The following RASGRP4 variants were observed in gnomAD, a reference collection of about 807,000 sequenced individuals.
The protein encoded by RASGRP4 is RAS guanyl releasing protein 4.
Under a neutral mutation model 84.4 loss-of-function variants are expected in RASGRP4, and 52 were observed. The observed-to-expected ratio is 0.62, with a 90% CI of 0.49 to 0.78. The LOEUF (loss-of-function observed/expected upper bound fraction) is 0.78, where lower values mean the gene tolerates loss of function less well. Among genes scored for constraint, RASGRP4 ranks in the 30% least tolerant of loss-of-function variants. The pLI, the probability that RASGRP4 is intolerant of heterozygous loss-of-function variation, is 0.00. For missense variants in RASGRP4, 760 were observed against 886.9 expected (o/e 0.86, Z 1.82); for synonymous variants, 356 against 359.1 (o/e 0.99, Z 0.10).
chr19:38,417,466 GGT>G lies in RASGRP4; in HGVS notation c.838-300_838-299del, dbSNP rs1318767086. Among the ~76,000 whole-genome samples the G allele has an allele frequency of 6.6e-6, 1 of 152,170 alleles. No individual in the cohort carries two copies. The highest frequency in any genetic ancestry group is 2.4e-5 in the African/African-American group (1 of 41,426). ...GTTGGGCGGATTTGGGGAATAGACA[GGT>G]GTGTGTCAGGTGGAGGAGGCTTCAG... On this transcript the variant is annotated intron_variant, in intron 7 of 16. Transcript: ENST00000615439. This position sits in a 1 kb window ranked among gnomAD's most constrained non-coding sequence, Gnocchi z 5.1.
Position 38,421,218 on chromosome 19 carries a change from G to A in RASGRP4, c.209-18C>T. The A allele has an allele frequency of 1.3e-6, 2 of 1,568,902 alleles. No individual in the cohort carries two copies. Among genetic ancestry groups the A allele is most frequent in the African/African-American group, 1.3e-5 (1 of 74,204 alleles). Reference sequence around the variant, plus strand: ...AGCTGAATCTGGGGTGGAAGGAGGGGTACTCTGTGACAGAATGGCCCTCAA... The same window carrying A: ...AGCTGAATCTGGGGTGGAAGGAGGGATACTCTGTGACAGAATGGCCCTCAA... On this transcript the variant is annotated intron_variant, in intron 2 of 16. Coordinates refer to ENST00000615439, the MANE Select transcript of RASGRP4 (RefSeq NM_170604.3).
In RASGRP4 at chr19:38,409,774, G is replaced by A; in HGVS notation, c.*266C>T. On this transcript the variant is annotated 3_prime_UTR_variant, in exon 17 of 17. Transcript: ENST00000615439. ...GAAATGGAGATGTAGGGAGTTGGTA[G>A]AATGAGGCCTGAGTCTAAATGTATC... The A allele has an allele frequency of 3.3e-6, 1 of 304,910 alleles. No individual in the cohort carries two copies. Among genetic ancestry groups the A allele is most frequent in the African/African-American group, 2.2e-5 (1 of 46,056 alleles). The allele number at this position is 304,910 out of a possible 1,614,324, so 18.9% of individuals were successfully genotyped here.
At position 38,409,083 on chromosome 19, in the gene RASGRP4, C is replaced by G. The variant is rs2145182193; in HGVS notation, c.*957G>C. ...TCCAGAGAATAAATTTAATTTATGACAGCTGTAGGACCTCTCTCTGTGGGG... is the reference window on the plus strand; with the variant it reads ...TCCAGAGAATAAATTTAATTTATGAGAGCTGTAGGACCTCTCTCTGTGGGG... On this transcript the variant is annotated 3_prime_UTR_variant, in exon 17 of 17. Transcript: ENST00000615439. 8 of 507,374 alleles carry G rather than the reference C, an allele frequency of 1.6e-5. No homozygotes were observed. In the South Asian group the frequency reaches 2.8e-4, roughly 18 times the overall value. The allele number at this position is 507,374 out of a possible 1,614,324, so 31.4% of individuals were successfully genotyped here.
At chr19:38,414,430 A>G (rs1206766330) in intron 9 of RASGRP4, among the ~76,000 whole-genome samples, 1 of 149,306 alleles carries the variant, frequency 6.7e-6, no homozygotes, top group African/African-American at 2.5e-5. Context: ...GGGTTCAAGC[A>G]ATTCTCCTGC....
chr19:38,414,702 A>G, intron 9 of RASGRP4, 146 bp downstream of exon 9: 1 of 792,862 alleles, frequency 1.3e-6, no homozygotes, highest in Non-Finnish European at 1.9e-6. Context: ...AAGATCACGC[A>G]GCTAGAAAAA....
chr19:38,414,368 G>A (rs1404648799), intron 9 of RASGRP4, among the ~76,000 whole-genome samples: 5 of 123,524 alleles, frequency 4.0e-5, no homozygotes, highest in Admixed American at 3.6e-4. Context: ...GCCCAGGCTG[G>A]GGTGCAATGG....
intron 9 of RASGRP4, among the ~76,000 whole-genome samples, chr19:38,414,570 C>G (rs1347719029): frequency 3.3e-5 from 5 of 152,184 alleles, no homozygotes; most frequent in Non-Finnish European, 7.3e-5. Context: ...AGGTGATCTG[C>G]CCACCTCAGC....
At chr19:38,422,565 T>C (rs1050438249) in intron 1 of RASGRP4, among the ~76,000 whole-genome samples, 10 of 152,152 alleles carry the variant, frequency 6.6e-5, no homozygotes, top group Non-Finnish European at 1.0e-4. Context: ...ATGAACCCTA[T>C]TGTGAACTTC....
chr19:38,422,067 C>G lies in RASGRP4; in HGVS notation c.110G>C (p.Arg37Pro), dbSNP rs375650709. 6.2e-7 allele frequency: 1 copy of G among 1,613,776 alleles called. No homozygotes were observed. Among genetic ancestry groups the G allele is most frequent in the Non-Finnish European group, 8.5e-7 (1 of 1,179,828 alleles). The change falls in exon 2 of 17, where the codon CGG becomes CCG. Residue 37 changes from arginine to proline, a missense_variant. Transcript: ENST00000615439. ...GGAAGCCATGACCTTGCTGATTTCC[C>G]GAGGGCTGGGGCATGTCTTGTGGCG... ...VRRHKTCPSPREISKVMASMN... is the reference protein window; with the variant it reads ...VRRHKTCPSPPEISKVMASMN...
rs73930573 is a variant in RASGRP4, at chr19:38,420,309, G to C, written c.378-47C>G. On this transcript the variant is annotated intron_variant, in intron 4 of 16. Coordinates refer to ENST00000615439, the MANE Select transcript of RASGRP4 (RefSeq NM_170604.3). ...TGAGATGAGGCCGGGGGTGGCGAAG[G>C]TCTCTACAAGGGGTATTTTGGGCTG... 5.6e-6 allele frequency: 9 copies of C among 1,596,882 alleles called. No individual in the cohort carries two copies. In the Admixed American group the frequency reaches 1.0e-4, roughly 18 times the overall value.
intron 9 of RASGRP4, among the ~76,000 whole-genome samples, 171 bp downstream of exon 9, chr19:38,414,677 T>C (rs1371732355): frequency 6.6e-6 from 1 of 152,206 alleles, no homozygotes; most frequent in Non-Finnish European, 1.5e-5. Flanking sequence ...GGCTTAAGGG[T>C]TCAGTGACTT....
chr19:38,414,896 C>A lies in RASGRP4; in HGVS notation c.1182G>T (p.Gly394=). The A allele has an allele frequency of 6.2e-7, 1 of 1,607,856 alleles. No individual in the cohort carries two copies. The highest frequency in any genetic ancestry group is 8.5e-7 in the Non-Finnish European group (1 of 1,177,566). Residue 394 remains glycine (G), a synonymous_variant, in exon 9 of 17, where the codon GGG becomes GGT. Coordinates refer to ENST00000615439, the MANE Select transcript of RASGRP4 (RefSeq NM_170604.3). ...LRLQELVALQ[G]QHPPCSANED... is the part of the protein sequence containing the mutation. ...CATTGGCGCTGCAGGGTGGATGCTG[C>A]CCTTGGAGGGCCACCAGCTCCTGCA...
intron 8 of RASGRP4, among the ~76,000 whole-genome samples, chr19:38,415,968 C>T (rs918467950): frequency 1.3e-5 from 2 of 149,518 alleles, no homozygotes; most frequent in African/African-American, 2.5e-5. Flanking sequence ...CTGAGGCAGG[C>T]GAATCGCTTG....
In RASGRP4 at chr19:38,426,103, G is replaced by C. The variant is rs773884433; in HGVS notation, c.-12C>G. On this transcript the variant is annotated 5_prime_UTR_variant, in exon 1 of 17. Coordinates refer to ENST00000615439, the MANE Select transcript of RASGRP4 (RefSeq NM_170604.3). ...TCTTTTCTGTTCATGCTTCCCGCGT[G>C]GGGTGAGGAGGCCGGGGGTCTTGCA... 4 of 1,328,668 alleles carry C rather than the reference G, an allele frequency of 3.0e-6. No individual in the cohort carries two copies. Among genetic ancestry groups the C allele is most frequent in the Non-Finnish European group, 3.9e-6 (4 of 1,030,420 alleles). 82.3% of individuals were successfully genotyped at this position (1,328,668 alleles called of 1,614,324 possible).
chr19:38,414,453 A>G (rs1971410426), intron 9 of RASGRP4, among the ~76,000 whole-genome samples: 1 of 151,844 alleles, frequency 6.6e-6, no homozygotes, highest in South Asian at 2.1e-4. Context: ...CAGCCTCCCA[A>G]GTAGCTGGGA....
In RASGRP4 at chr19:38,426,130, G is replaced by A; in HGVS notation, c.-39C>T. 7.6e-7 allele frequency: 1 copy of A among 1,310,856 alleles called. No homozygotes were observed. The highest frequency in any genetic ancestry group is 2.8e-5 in the East Asian group (1 of 35,122). The allele number at this position is 1,310,856 out of a possible 1,614,324, so 81.2% of individuals were successfully genotyped here. A position where few individuals can be genotyped will look rare whatever the true frequency, so the allele number is the denominator to read the frequency against. Reference sequence around the variant, plus strand: ...GGTGAGGAGGCCGGGGGTCTTGCAAGAGTAGGGCTCAGCTCCTCCCCTTGC... The same window carrying A: ...GGTGAGGAGGCCGGGGGTCTTGCAAAAGTAGGGCTCAGCTCCTCCCCTTGC... On this transcript the variant is annotated 5_prime_UTR_variant, in exon 1 of 17. Transcript: ENST00000615439.
rs199507421 is a variant in RASGRP4 at position 38,411,245 on chromosome 19, G to A, written c.1722C>T (p.Cys574=). 573 of 1,613,894 alleles carry A rather than the reference G, an allele frequency of 3.6e-4. 1 individual carries two copies. The highest frequency in any genetic ancestry group is 2.1e-3 in the Admixed American group (124 of 59,982). ...VTKQGYRCRE[C]GLCCHKHCRD... is the part of the protein sequence containing the mutation. ...TGCAGTGTTTGTGGCAACACAGCCC[G>A]CACTCTGGGGGAAGGCAGCGGCAGG... Residue 574 remains cysteine, a synonymous_variant, in exon 15 of 17, where the codon TGC becomes TGT. Coordinates refer to ENST00000615439, the MANE Select transcript of RASGRP4 (RefSeq NM_170604.3).
In RASGRP4 at chr19:38,413,905, T is replaced by C. The variant is rs150877380; in HGVS notation, c.1231-431A>G. ...GTGGGGAAAAAACATGTTACTTAAATAGAATACAGAGCTCACTCTGCTCCA... is the reference window on the plus strand; with the variant it reads ...GTGGGGAAAAAACATGTTACTTAAACAGAATACAGAGCTCACTCTGCTCCA... On this transcript the variant is annotated intron_variant, in intron 9 of 16. Transcript: ENST00000615439. The surrounding 1 kb of genome is among the most constrained non-coding windows in gnomAD (Gnocchi z 4.7). Among the ~76,000 whole-genome samples the C allele has an allele frequency of 3.9e-3, 589 of 152,266 alleles. 3 individuals are homozygous for C. The highest frequency in any genetic ancestry group is 0.013 in the African/African-American group (555 of 41,540).
At position 38,413,326 on chromosome 19, in the gene RASGRP4, G is replaced by T. The variant is rs914387222; in HGVS notation, c.1312-29C>A. 2 of 1,605,184 alleles carry T rather than the reference G, an allele frequency of 1.2e-6. No homozygotes were observed. Among genetic ancestry groups the T allele is most frequent in the Admixed American group, 3.3e-5 (2 of 59,872 alleles). Reference sequence around the variant, plus strand: ...GGGCGGGGACAGAGGAGCACAGTTAGTCACTGCATAGGCTTAGGGGGGGTT... The same window carrying T: ...GGGCGGGGACAGAGGAGCACAGTTATTCACTGCATAGGCTTAGGGGGGGTT... On this transcript the variant is annotated intron_variant, in intron 10 of 16. Coordinates refer to ENST00000615439, the MANE Select transcript of RASGRP4 (RefSeq NM_170604.3). This position sits in a 1 kb window ranked among gnomAD's most constrained non-coding sequence, Gnocchi z 4.7.
Sources: allele counts gnomAD v4.1 joint callset (sites outside exome capture counted in the v4.1 genomes callset), GRCh38; gene constraint gnomAD v4.1.1; non-coding constraint Gnocchi (gnomAD v3.1); transcripts MANE v1.5; gene names NCBI Gene and HGNC (gene_info 2026-07-23, HGNC 2026-07-21).